Variants in CACNA1I observed in about 807,000 individuals in gnomAD.
The protein encoded by CACNA1I is voltage-dependent T-type calcium channel subunit alpha-1I.
Under a neutral mutation model 201.6 loss-of-function variants are expected in CACNA1I, and 74 were observed. The observed-to-expected ratio is 0.37, with a 90% CI of 0.30 to 0.45. CACNA1I has a LOEUF of 0.45. Among genes scored for constraint, CACNA1I ranks in the 20% least tolerant of loss-of-function variants. CACNA1I has a pLI of 1.00. For missense variants in CACNA1I, 2,346 were observed against 3,138.1 expected (o/e 0.75, Z 6.03); for synonymous variants, 1,431 against 1,345.2 (o/e 1.06, Z -1.40).
Position 39,570,834 on chromosome 22 carries a change from C to T in CACNA1I, c.82C>T (p.Pro28Ser), listed in dbSNP as rs1932156468. ...EPGVTTEQPGPRSPPSSPPGL... is the reference protein window; with the variant it reads ...EPGVTTEQPGSRSPPSSPPGL... ...AGGAGTCACCACGGAGCAGCCCGGA[C>T]CCCGGAGCCCCCCATCCTCCCCGCC... Residue 28 changes from proline (P) to serine (S), a missense_variant, in exon 1 of 37, where the codon CCC (proline) becomes TCC (serine). Transcript: ENST00000402142. 1 of 1,613,528 alleles carries T rather than the reference C, an allele frequency of 6.2e-7. No homozygotes were observed. The highest frequency in any genetic ancestry group is 8.5e-7 in the Non-Finnish European group (1 of 1,179,756).
intron 7 of CACNA1I, among the ~76,000 whole-genome samples, chr22:39,645,548 G>GGATGCC (rs1283488462): frequency 2.2e-4 from 33 of 152,326 alleles, no homozygotes; most frequent in African/African-American, 7.2e-4. Context: ...GACAAGGATG[G>GGATGCC]GATGCCATCT....
At chr22:39,613,437 G>A (rs543584734) in intron 3 of CACNA1I, among the ~76,000 whole-genome samples, 6 of 152,328 alleles carry the variant, frequency 3.9e-5, no homozygotes, top group South Asian at 2.1e-4. Flanking sequence ...ATTCGTGGGC[G>A]CGTGTGAGCT....
At chr22:39,603,622 T>C (rs1933129392) in intron 3 of CACNA1I, among the ~76,000 whole-genome samples, 2 of 152,134 alleles carry the variant, frequency 1.3e-5, no homozygotes. Flanking sequence ...ATTAGGCTTC[T>C]TAAAAGTCTT....
At chr22:39,572,319 G>A (rs568330432) in intron 1 of CACNA1I, among the ~76,000 whole-genome samples, 1 of 152,184 alleles carries the variant, frequency 6.6e-6, no homozygotes, top group African/African-American at 2.4e-5. Context: ...TATGTGGCTC[G>A]AGGTTCTGGT....
At chr22:39,636,136 C>T (rs77726693) in intron 5 of CACNA1I, among the ~76,000 whole-genome samples, 1 of 152,220 alleles carries the variant, frequency 6.6e-6, no homozygotes, top group Non-Finnish European at 1.5e-5. Context: ...CACCCAGAGG[C>T]AGGCTGGGAG....
rs1935866681 is a variant in CACNA1I, at chr22:39,686,166, C to T, written c.6433C>T (p.Pro2145Ser). 2 of 1,290,928 alleles carry T rather than the reference C, an allele frequency of 1.5e-6. No homozygotes were observed. Among genetic ancestry groups the T allele is most frequent in the Non-Finnish European group, 2.0e-6 (2 of 1,019,446 alleles). 80.0% of individuals were successfully genotyped at this position (1,290,928 alleles called of 1,614,324 possible). ...LFCPPPPPPA[P>S]GLTPARKFSS... ...CTGCCCGCCGCCCCCGCCGCCAGCC[C>T]CCGGCCTCACGCCCGCCAGGAAGTT... The change falls in exon 37 of 37, where the codon CCC becomes TCC. Residue 2145 changes from proline (P) to serine (S), a missense_variant. Coordinates refer to ENST00000402142, the MANE Select transcript of CACNA1I (RefSeq NM_021096.4).
rs372009981 is a variant in CACNA1I at position 39,672,292 on chromosome 22, C to T, written c.4633C>T (p.Arg1545Cys). ...VLKLVAFGLR[R>C]FFKDRWNQLD... ...GAAGCTGGTGGCATTTGGTCTGAGG[C>T]GCTTCTTCAAGGACCGGTGAGTGGC... Residue 1545 changes from arginine to cysteine, a missense_variant, in exon 27 of 37, where the codon CGC becomes TGC. By Grantham distance (180) the Arg-to-Cys change is radical. Around this residue, in one of 13 missense-constraint regions of CACNA1I, gnomAD observed 228 missense variants for 395.7 expected, o/e 0.58. Coordinates refer to ENST00000402142, the MANE Select transcript of CACNA1I (RefSeq NM_021096.4). The T allele has an allele frequency of 5.0e-5, 81 of 1,612,224 alleles. No individual in the cohort carries two copies. The highest frequency in any genetic ancestry group is 2.3e-4 in the South Asian group (21 of 91,038).
chr22:39,586,436 G>A (rs1036779768), intron 1 of CACNA1I, among the ~76,000 whole-genome samples: 5 of 152,126 alleles, frequency 3.3e-5, no homozygotes, highest in Non-Finnish European at 5.9e-5. Flanking sequence ...AGGTTGCAGT[G>A]AGCCAAGATA....
intron 1 of CACNA1I, among the ~76,000 whole-genome samples, chr22:39,589,149 G>A (rs1356446495): frequency 6.6e-6 from 1 of 152,118 alleles, no homozygotes; most frequent in African/African-American, 2.4e-5. Flanking sequence ...ACGGCCAAAT[G>A]TCCCTTGGGG....
intron 4 of CACNA1I, among the ~76,000 whole-genome samples, chr22:39,631,645 G>A (rs1047461879): frequency 9.2e-5 from 14 of 152,110 alleles, no homozygotes; most frequent in Non-Finnish European, 1.5e-4. Flanking sequence ...CAGCCTCTCC[G>A]CTCTTTCTCT....
At chr22:39,584,924 G>A (rs886503918) in intron 1 of CACNA1I, among the ~76,000 whole-genome samples, 5 of 152,158 alleles carry the variant, frequency 3.3e-5, no homozygotes, top group African/African-American at 7.2e-5. Flanking sequence ...GTCACTTAGC[G>A]TCCAGCCCAG....
In CACNA1I at chr22:39,605,469, C is replaced by CCATT. The variant is rs373946045; in HGVS notation, c.482+4839_482+4842dup. 6.9e-3 allele frequency among the ~76,000 whole-genome samples: 1,045 copies of CCATT among 152,250 alleles called. 8 individuals carry two copies. Among genetic ancestry groups the CCATT allele is most frequent in the African/African-American group, 0.022 (900 of 41,546 alleles). On this transcript the variant is annotated intron_variant, in intron 3 of 36. Transcript: ENST00000402142. The stretch of plus-strand genomic sequence containing the variant: ...TTCCTGTGGCTCCCACCGGATGGTA[C>CCATT]CATTCATTCATTCATTCATTCATTC...
In CACNA1I at chr22:39,571,099, G is replaced by A. The variant is rs757262922; in HGVS notation, c.236+111G>A. The A allele has an allele frequency of 6.1e-5, 57 of 938,578 alleles. No individual in the cohort carries two copies. The East Asian group carries it at 1.1e-3, about 17-fold the overall frequency. The allele number at this position is 938,578 out of a possible 1,614,324, so 58.1% of individuals were successfully genotyped here. ...TCCGGCTGGGAGACCTGAGGTCTGCGGTGAGGCCACTGGGCCTTGGTGGTG... is the reference window on the plus strand; with the variant it reads ...TCCGGCTGGGAGACCTGAGGTCTGCAGTGAGGCCACTGGGCCTTGGTGGTG... On this transcript the variant is annotated intron_variant, in intron 1 of 36. Coordinates refer to ENST00000402142, the MANE Select transcript of CACNA1I (RefSeq NM_021096.4).
Position 39,665,576 on chromosome 22 carries a change from G to A in CACNA1I, c.3930G>A (p.Val1310=), listed in dbSNP as rs772089635. The A allele has an allele frequency of 3.7e-6, 6 of 1,613,758 alleles. No homozygotes were observed. Among genetic ancestry groups the A allele is most frequent in the African/African-American group, 1.3e-5 (1 of 74,904 alleles). ...CCCTCAAGCCCATCGGCAACATCGT[G>A]CTCATCTGCTGTGCCTTCTTCATCA... ...ISSLKPIGNI[V]LICCAFFIIF... Residue 1310 remains valine (V), a synonymous_variant, in exon 22 of 37, where the codon GTG becomes GTA. Transcript: ENST00000402142. The surrounding 1 kb of genome is among the most constrained non-coding windows in gnomAD (Gnocchi z 5.5).
chr22:39,634,813 A>G, intron 5 of CACNA1I, 89 bp downstream of exon 5: 5 of 1,327,450 alleles, frequency 3.8e-6, no homozygotes, highest in Non-Finnish European at 5.2e-6. Context: ...ATCAGGACCA[A>G]TGGGGTAGAA....
chr22:39,593,705 G>A lies in CACNA1I; in HGVS notation c.237-4446G>A, dbSNP rs760545. Reference sequence around the variant, plus strand: ...GCATCTGGAGAGTGTGTTTCAGGCAGATTAGCCTGGCAGTGGCAAAACAGC... The same window carrying A: ...GCATCTGGAGAGTGTGTTTCAGGCAAATTAGCCTGGCAGTGGCAAAACAGC... On this transcript the variant is annotated intron_variant, in intron 1 of 36. Transcript: ENST00000402142. 6.6e-3 allele frequency among the ~76,000 whole-genome samples: 1,006 copies of A among 152,234 alleles called. 12 individuals carry two copies. The highest frequency in any genetic ancestry group is 0.024 in the African/African-American group (977 of 41,524).
chr22:39,579,814 G>A (rs1208635009), intron 1 of CACNA1I, among the ~76,000 whole-genome samples: 1 of 152,044 alleles, frequency 6.6e-6, no homozygotes. Flanking sequence ...GCCTGGCTAA[G>A]TTTTTTGTAT....
chr22:39,654,198 C>T (rs901981904), intron 10 of CACNA1I, among the ~76,000 whole-genome samples: 4 of 152,294 alleles, frequency 2.6e-5, no homozygotes, highest in East Asian at 3.9e-4. Context: ...GCGACAGAGC[C>T]GGGCTCCCGG....
rs140096208 is a variant in CACNA1I at position 39,651,904 on chromosome 22, T to C, written c.1992+1979T>C. On this transcript the variant is annotated intron_variant, in intron 10 of 36. Coordinates refer to ENST00000402142, the MANE Select transcript of CACNA1I (RefSeq NM_021096.4). Reference sequence around the variant, plus strand: ...CCTGCCTTTTCACCCACCCCATCCATGTCAACACCACGGCCAGGGCAGGTC... The same window carrying C: ...CCTGCCTTTTCACCCACCCCATCCACGTCAACACCACGGCCAGGGCAGGTC... Among the ~76,000 whole-genome samples, 12 of 152,290 alleles carry C rather than the reference T, an allele frequency of 7.9e-5. No individual in the cohort carries two copies. The East Asian group carries it at 1.9e-3, about 24-fold the overall frequency.
Sources: allele counts gnomAD v4.1 joint callset (sites outside exome capture counted in the v4.1 genomes callset), GRCh38; gene constraint gnomAD v4.1.1; regional missense constraint gnomAD v4.1.1; non-coding constraint Gnocchi (gnomAD v3.1); transcripts MANE v1.5; gene names NCBI Gene and HGNC (gene_info 2026-07-23, HGNC 2026-07-21).